MAP3K2: variants seen among roughly 807,000 people sequenced by gnomAD.
MAP3K2 encodes the protein mitogen-activated protein kinase kinase kinase 2.
MAP3K2 carries 24 observed loss-of-function variants against 80.3 expected under a neutral mutation model. That is an observed-to-expected ratio of 0.30 (90% CI 0.22 to 0.42). The LOEUF is 0.42. Among genes scored for constraint, MAP3K2 ranks in the 10% least tolerant of loss-of-function variants. The pLI is 1.00. For synonymous variants in MAP3K2, 244 were observed against 253.7 expected (o/e 0.96, Z 0.36); for missense variants, 608 against 750.1 (o/e 0.81, Z 2.21).
At chr2:127,355,683 T>C (rs1573999719) in intron 1 of MAP3K2, among the ~76,000 whole-genome samples, 1 of 152,168 alleles carries the variant, frequency 6.6e-6, no homozygotes, top group African/African-American at 2.4e-5. Flanking sequence ...GGCAATTTCT[T>C]AAAATAAGAC....
intron 14 of MAP3K2, among the ~76,000 whole-genome samples, chr2:127,315,674 C>T (rs1323673349): frequency 1.3e-5 from 2 of 152,204 alleles, no homozygotes; most frequent in African/African-American, 2.4e-5. Context: ...GTGGCTCACA[C>T]CTGTAATCCC....
chr2:127,368,770 A>T (rs1043971813), intron 1 of MAP3K2, among the ~76,000 whole-genome samples: 2 of 152,024 alleles, frequency 1.3e-5, no homozygotes, highest in African/African-American at 4.8e-5. Context: ...GTTATTTTTT[A>T]AATTTGTATT....
chr2:127,350,707 C>G (rs1686678431), intron 1 of MAP3K2, among the ~76,000 whole-genome samples: 1 of 151,548 alleles, frequency 6.6e-6, no homozygotes, highest in Admixed American at 6.6e-5. Context: ...TACTTAGTTT[C>G]AACACACCAT....
chr2:127,320,458 G>A (rs1349061296), intron 12 of MAP3K2, among the ~76,000 whole-genome samples: 1 of 151,870 alleles, frequency 6.6e-6, no homozygotes, highest in Non-Finnish European at 1.5e-5. Context: ...AAAGGGAGAG[G>A]GAGGGAGAGA....
chr2:127,320,136 C>A (rs1162063752), intron 12 of MAP3K2, among the ~76,000 whole-genome samples: 2 of 152,024 alleles, frequency 1.3e-5, no homozygotes, highest in Non-Finnish European at 2.9e-5. Context: ...AAAAAAGCAA[C>A]CCTTCCAAAA....
rs550319747 is a variant in MAP3K2, at chr2:127,372,679, C to CG, written c.-66+14772_-66+14773insC. Among the ~76,000 whole-genome samples the CG allele has an allele frequency of 3.7e-3, 561 of 152,266 alleles. 2 individuals carry two copies. The highest frequency in any genetic ancestry group is 6.0e-3 in the Non-Finnish European group (409 of 68,024). On this transcript the variant is annotated intron_variant, in intron 1 of 16. Transcript: ENST00000682094. Reference sequence around the variant, plus strand: ...AATGGGGGGGTCACTCTGCAGACCTCTTTCTAATAATGGCCACAGTTATTC... The same window carrying CG: ...AATGGGGGGGTCACTCTGCAGACCTCGTTTCTAATAATGGCCACAGTTATTC...
chr2:127,316,879 AT>A (rs1473284213), intron 14 of MAP3K2: 1 of 152,240 alleles, frequency 6.6e-6, no homozygotes, highest in Non-Finnish European at 1.5e-5. Context: ...CCGCATGCTC[AT>A]TTCGGCAGCA....
intron 15 of MAP3K2, among the ~76,000 whole-genome samples, chr2:127,311,184 A>C (rs1685801033): frequency 6.6e-6 from 1 of 152,174 alleles, no homozygotes; most frequent in Non-Finnish European, 1.5e-5. Flanking sequence ...CATTCTCTGC[A>C]CACCTTAAGT....
At chr2:127,375,728 G>C (rs148988712) in intron 1 of MAP3K2, among the ~76,000 whole-genome samples, 71 of 151,986 alleles carry the variant, frequency 4.7e-4, no homozygotes, top group African/African-American at 1.6e-3. Context: ...ACTCTATTTG[G>C]CCCATCCTCT....
chr2:127,311,457 G>A (rs72845966), intron 15 of MAP3K2, among the ~76,000 whole-genome samples: 74 of 152,222 alleles, frequency 4.9e-4, no homozygotes, highest in African/African-American at 1.8e-3. Flanking sequence ...CAAGAAGGGC[G>A]GAGGAGAAAA....
chr2:127,324,080 T>C, intron 10 of MAP3K2, 86 bp from the exon 11 acceptor site: 1 of 1,102,352 alleles, frequency 9.1e-7, no homozygotes, highest in Non-Finnish European at 1.3e-6. Flanking sequence ...TATAAATCTT[T>C]ATTTGACTTT....
At chr2:127,317,785 G>A (rs1685935953) in intron 13 of MAP3K2, 25 bp from the exon 14 acceptor site, 2 of 1,584,452 alleles carry the variant, frequency 1.3e-6, no homozygotes, top group Non-Finnish European at 1.7e-6. Context: ...TCATTGTTAA[G>A]TCTTCAACAA....
rs58961718 is a variant in MAP3K2, at chr2:127,378,981, GTTTTTTTTTTT to G, written c.-66+8460_-66+8470del. Among the ~76,000 whole-genome samples, 24 of 88,052 alleles carry G rather than the reference GTTTTTTTTTTT, an allele frequency of 2.7e-4. 1 individual carries two copies. The highest frequency in any genetic ancestry group is 7.4e-3 in the Middle Eastern group (1 of 136). The allele number at this position is 88,052 out of a possible 152,430, so 57.8% of individuals were successfully genotyped here. ...GGCTAATTTTGTGGGGTTTTTTGTT[GTTTTTTTTTTT>G]TTTTTTTTTTGGAGAGACAGGGTTT... On this transcript the variant is annotated intron_variant, in intron 1 of 16. Transcript: ENST00000682094.
intron 3 of MAP3K2, 96 bp downstream of exon 3, chr2:127,338,836 G>T: frequency 2.5e-6 from 2 of 798,526 alleles, no homozygotes; most frequent in South Asian, 2.0e-5. Context: ...TTCTTGATTC[G>T]AAAGTGTAAA....
At chr2:127,317,595 G>C in intron 14 of MAP3K2, 34 bp downstream of exon 14, 1 of 1,471,802 alleles carries the variant, frequency 6.8e-7, no homozygotes, top group South Asian at 1.4e-5. Flanking sequence ...ATTTTAAATA[G>C]AATGTGTATT....
At chr2:127,386,232 A>G (rs1379678054) in intron 1 of MAP3K2, among the ~76,000 whole-genome samples, 2 of 152,246 alleles carry the variant, frequency 1.3e-5, no homozygotes, top group African/African-American at 4.8e-5. Context: ...TTTTCAGTAC[A>G]GAGCTCTGGC....
At chr2:127,365,361 T>A (rs973913662) in intron 1 of MAP3K2, among the ~76,000 whole-genome samples, 2 of 151,936 alleles carry the variant, frequency 1.3e-5, no homozygotes, top group South Asian at 4.2e-4. Context: ...AACTTTAACA[T>A]CCCCCACTGT....
At chr2:127,382,464 T>C (rs1013898293) in intron 1 of MAP3K2, among the ~76,000 whole-genome samples, 1 of 152,248 alleles carries the variant, frequency 6.6e-6, no homozygotes, top group African/African-American at 2.4e-5. Context: ...TCTAGAATTC[T>C]AGTTTGATAG....
intron 1 of MAP3K2, among the ~76,000 whole-genome samples, chr2:127,352,517 G>C (rs1686709037): frequency 1.3e-5 from 2 of 152,064 alleles, no homozygotes; most frequent in Admixed American, 1.3e-4. Flanking sequence ...TGAGTCTCTT[G>C]AAGAAACATC....
Sources: allele counts gnomAD v4.1 joint callset (sites outside exome capture counted in the v4.1 genomes callset), GRCh38; gene constraint gnomAD v4.1.1; transcripts MANE v1.5; gene names NCBI Gene and HGNC (gene_info 2026-07-23, HGNC 2026-07-21).